Variants in SLC23A2 observed in about 807,000 individuals in gnomAD.
The protein encoded by SLC23A2 is Na(+)/L-ascorbic acid transporter 2.
A neutral mutation model predicts 73.3 loss-of-function variants in SLC23A2; 36 were observed. The ratio of observed to expected loss-of-function variants is 0.49; its 90% CI spans 0.38 to 0.65. SLC23A2 has a LOEUF of 0.65. SLC23A2 is among the 30% of genes least tolerant of loss of function. SLC23A2 has a pLI of 0.00. For synonymous variants in SLC23A2, 343 were observed against 327.3 expected (o/e 1.05, Z -0.52); for missense variants, 507 against 841.6 (o/e 0.60, Z 4.92).
intron 15 of SLC23A2, among the ~76,000 whole-genome samples, chr20:4,861,356 G>A (rs1033282421): frequency 1.4e-4 from 21 of 152,142 alleles, no homozygotes; most frequent in African/African-American, 4.8e-4. Context: ...AGTTAATTTT[G>A]TTATGTGAAT....
chr20:4,984,057 A>C (rs1484815305), intron 1 of SLC23A2, among the ~76,000 whole-genome samples: 1 of 152,234 alleles, frequency 6.6e-6, no homozygotes, highest in Non-Finnish European at 1.5e-5. Flanking sequence ...CTCGTGCAGA[A>C]TATATTAAGG....
chr20:4,855,865 C>A lies in SLC23A2; in HGVS notation c.*1107G>T, dbSNP rs1480446719. 1.3e-5 allele frequency: 2 copies of A among 152,484 alleles called. No homozygotes were observed. The highest frequency in any genetic ancestry group is 2.9e-5 in the Non-Finnish European group (2 of 68,020). 9.4% of individuals were successfully genotyped at this position (152,484 alleles called of 1,614,324 possible). The stretch of plus-strand genomic sequence containing the variant: ...TACACTTTCATGGTATCAAGCAATA[C>A]AAAACACAACCACAACAATGGTTAC... On this transcript the variant is annotated 3_prime_UTR_variant, in exon 17 of 17. Coordinates refer to ENST00000338244, the MANE Select transcript of SLC23A2 (RefSeq NM_005116.6).
chr20:4,866,757 A>C (rs1031327255), intron 13 of SLC23A2, among the ~76,000 whole-genome samples: 2 of 152,168 alleles, frequency 1.3e-5, no homozygotes, highest in African/African-American at 4.8e-5. Flanking sequence ...TGATTATAGA[A>C]TCTTACATGG....
At chr20:4,992,549 T>C (rs367545260) in intron 1 of SLC23A2, among the ~76,000 whole-genome samples, 1 of 146,780 alleles carries the variant, frequency 6.8e-6, no homozygotes, top group Non-Finnish European at 1.5e-5. Flanking sequence ...TCGCTCTTGT[T>C]GCCCAGGTTA....
chr20:5,006,832 C>T (rs181876543), intron 1 of SLC23A2, among the ~76,000 whole-genome samples: 39 of 152,170 alleles, frequency 2.6e-4, no homozygotes, highest in Admixed American at 1.2e-3. Flanking sequence ...TGAGCCACCA[C>T]TCCTGGCCTG....
At chr20:4,870,360 C>T (rs1002777828) in intron 11 of SLC23A2, among the ~76,000 whole-genome samples, 3 of 152,048 alleles carry the variant, frequency 2.0e-5, no homozygotes, top group Middle Eastern at 3.2e-3. Context: ...AGGCAGATCA[C>T]GAGGTCAGGA....
At chr20:4,989,008 G>A (rs182655986) in intron 1 of SLC23A2, among the ~76,000 whole-genome samples, 4 of 151,844 alleles carry the variant, frequency 2.6e-5, no homozygotes, top group Admixed American at 2.6e-4. Context: ...AGGCCGAGGC[G>A]GGTGGATCAC....
Position 4,899,822 on chromosome 20 carries a change from G to A in SLC23A2, c.325-110C>T. The stretch of plus-strand genomic sequence containing the variant: ...GTCGTTAAAAAATAGCCCACATAAA[G>A]AATCTCCTTGGTTTTTCGACCAAGC... On this transcript the variant is annotated intron_variant, in intron 5 of 16. Transcript: ENST00000338244. This position sits in a 1 kb window ranked among gnomAD's most constrained non-coding sequence, Gnocchi z 4.9. The A allele has an allele frequency of 2.7e-6, 3 of 1,115,260 alleles. No homozygotes were observed. The highest frequency in any genetic ancestry group is 4.9e-5 in the Admixed American group (2 of 41,110). 69.1% of individuals were successfully genotyped at this position (1,115,260 alleles called of 1,614,324 possible).
intron 6 of SLC23A2, among the ~76,000 whole-genome samples, chr20:4,895,057 A>C (rs968000732): frequency 1.3e-5 from 2 of 152,250 alleles, no homozygotes; most frequent in Non-Finnish European, 2.9e-5. Flanking sequence ...CTGGGTACTC[A>C]GCAAGAGGCA....
chr20:4,875,861 TG>T (rs1930635101), intron 9 of SLC23A2, among the ~76,000 whole-genome samples: 1 of 152,238 alleles, frequency 6.6e-6, no homozygotes, highest in Non-Finnish European at 1.5e-5. Flanking sequence ...TAATTGTTCC[TG>T]GGCACAGTTC....
chr20:4,878,337 C>A (rs1930738474), intron 9 of SLC23A2, among the ~76,000 whole-genome samples: 1 of 151,852 alleles, frequency 6.6e-6, no homozygotes, highest in African/African-American at 2.4e-5. Flanking sequence ...CAGGTGCCCG[C>A]CACTACACCC....
upstream of SLC23A2, among the ~76,000 whole-genome samples, chr20:5,006,209 T>C (rs2088189254): frequency 1.3e-5 from 2 of 151,690 alleles, no homozygotes; most frequent in South Asian, 4.2e-4. Context: ...GCGGTTCTCC[T>C]GCCTCAGCCT....
At chr20:4,955,433 A>G (rs1414513790) in intron 2 of SLC23A2, among the ~76,000 whole-genome samples, 1 of 152,002 alleles carries the variant, frequency 6.6e-6, no homozygotes, top group Non-Finnish European at 1.5e-5. Context: ...ATAGTAAGTT[A>G]TAAAATGAAT....
At chr20:4,901,580 G>A (rs942030090) in intron 5 of SLC23A2, among the ~76,000 whole-genome samples, 2 of 152,146 alleles carry the variant, frequency 1.3e-5, no homozygotes, top group African/African-American at 2.4e-5. Flanking sequence ...GACGCCGGAG[G>A]CCTCCATCAG....
chr20:4,895,800 T>G (rs1568613302), intron 6 of SLC23A2, among the ~76,000 whole-genome samples: 1 of 152,226 alleles, frequency 6.6e-6, no homozygotes. Flanking sequence ...TGAGCACCCC[T>G]AGAACAGATG....
chr20:4,928,065 G>T (rs1384768442), intron 3 of SLC23A2, among the ~76,000 whole-genome samples: 1 of 152,108 alleles, frequency 6.6e-6, no homozygotes, highest in African/African-American at 2.4e-5. Flanking sequence ...TGGAGACAGG[G>T]TCTTGCTCTG....
At position 4,862,094 on chromosome 20, in the gene SLC23A2, A is replaced by C; in HGVS notation, c.1487-9T>G. 1 of 1,613,932 alleles carries C rather than the reference A, an allele frequency of 6.2e-7. No homozygotes were observed. Among genetic ancestry groups the C allele is most frequent in the Non-Finnish European group, 8.5e-7 (1 of 1,179,900 alleles). The stretch of plus-strand genomic sequence containing the variant: ...AACAGCTGTGATCATTCCTGGAGAA[A>C]AACAAACCAGACCACAAGCTCCAGC... On this transcript the variant is annotated splice_polypyrimidine_tract_variant and intron_variant, in intron 14 of 16. Coordinates refer to ENST00000338244, the MANE Select transcript of SLC23A2 (RefSeq NM_005116.6). The surrounding 1 kb of genome is among the most constrained non-coding windows in gnomAD (Gnocchi z 5.1).
intron 1 of SLC23A2, among the ~76,000 whole-genome samples, chr20:4,973,675 C>T (rs973046553): frequency 6.6e-6 from 1 of 152,228 alleles, no homozygotes; most frequent in Non-Finnish European, 1.5e-5. Context: ...CCCTCCCATT[C>T]GTGGGTTCCA....
In SLC23A2 at chr20:4,894,172, G is replaced by A. The variant is rs185265303; in HGVS notation, c.482+5383C>T. Among the ~76,000 whole-genome samples, 2 of 152,226 alleles carry A rather than the reference G, an allele frequency of 1.3e-5. 1 individual carries two copies. Among genetic ancestry groups the A allele is most frequent in the Non-Finnish European group, 2.9e-5 (2 of 68,010 alleles). ...TGAAACCTCGCTCAGGGGAAAACTC[G>A]GTAATGAAGACCTCCTTGACACAAA... is the stretch of plus-strand genomic sequence containing the variant. On this transcript the variant is annotated intron_variant, in intron 6 of 16. Transcript: ENST00000338244.
Sources: allele counts gnomAD v4.1 joint callset (sites outside exome capture counted in the v4.1 genomes callset), GRCh38; gene constraint gnomAD v4.1.1; non-coding constraint Gnocchi (gnomAD v3.1); transcripts MANE v1.5; gene names NCBI Gene and HGNC (gene_info 2026-07-23, HGNC 2026-07-21).